The following CELF2 variants were observed in gnomAD, a reference collection of about 807,000 sequenced individuals.
CELF2 encodes CUGBP Elav-like family member 2, also known as CUG triplet repeat RNA-binding protein 2.
In CELF2, 8 loss-of-function variants were observed where a neutral mutation model predicts 62.6. That is an observed-to-expected ratio of 0.13 (90% CI 0.07 to 0.23). The LOEUF (loss-of-function observed/expected upper bound fraction) is 0.23. Ranked by LOEUF, CELF2 falls within the 10% of genes least tolerant of loss-of-function variation. The pLI is 1.00. For synonymous variants in CELF2, 258 were observed against 250.0 expected, an observed-to-expected ratio of 1.03 and a Z score of -0.30; for missense variants, 333 against 671.0, an observed-to-expected ratio of 0.50 and a Z score of 5.56.
intron 1 of CELF2, among the ~76,000 whole-genome samples, chr10:11,153,256 G>A (rs931169450): frequency 6.6e-6 from 1 of 151,924 alleles, no homozygotes; most frequent in East Asian, 1.9e-4. Context: ...TCTCTTCCAG[G>A]TATTTTTTGA....
the CELF2 span, among the ~76,000 whole-genome samples, chr10:10,637,794 G>C: frequency 1.2e-4 from 19 of 152,218 alleles, no homozygotes; most frequent in East Asian, 3.5e-3. Context: ...TGTCAGCCCC[G>C]TTTGGTCCTT....
chr10:10,475,750 A>AT, the CELF2 span, among the ~76,000 whole-genome samples: 1 of 152,026 alleles, frequency 6.6e-6, no homozygotes, highest in African/African-American at 2.4e-5. Flanking sequence ...CCTTCTCTGT[A>AT]TTTTTTTATG....
chr10:10,498,020 A>C, the CELF2 span, among the ~76,000 whole-genome samples: 1 of 152,174 alleles, frequency 6.6e-6, no homozygotes, highest in Non-Finnish European at 1.5e-5. Flanking sequence ...TCGTGATAAG[A>C]GGCGGGAAGA....
chr10:10,857,151 A>T (rs2059763469), intron 1 of CELF2, among the ~76,000 whole-genome samples: 1 of 152,124 alleles, frequency 6.6e-6, no homozygotes, highest in Non-Finnish European at 1.5e-5. Flanking sequence ...TTTGCAGAGA[A>T]AGAGCTCCAG....
At chr10:10,473,521 A>G in the CELF2 span, among the ~76,000 whole-genome samples, 1 of 152,028 alleles carries the variant, frequency 6.6e-6, no homozygotes, top group Admixed American at 6.6e-5. Context: ...ACCCTTAGCA[A>G]GTTTTTTGTA....
At chr10:11,035,201 G>GA (rs796407486) in intron 1 of CELF2, among the ~76,000 whole-genome samples, 2,146 of 147,222 alleles carry the variant, frequency 0.015, 48 homozygotes, top group African/African-American at 0.044. Flanking sequence ...AAACCTTAAG[G>GA]AAAAAAAAAA....
chr10:10,780,000 C>T, the CELF2 span, among the ~76,000 whole-genome samples: 286 of 152,032 alleles, frequency 1.9e-3, no homozygotes, highest in African/African-American at 6.6e-3. Flanking sequence ...GGATGTTTTG[C>T]GGGTAACATG....
the CELF2 span, among the ~76,000 whole-genome samples, chr10:10,728,802 C>CTT: frequency 1.3e-5 from 2 of 152,102 alleles, no homozygotes; most frequent in African/African-American, 4.8e-5. Context: ...AGGTAGATTT[C>CTT]TTTCTCTCTC....
the CELF2 span, among the ~76,000 whole-genome samples, chr10:10,624,829 C>T: frequency 3.9e-5 from 6 of 152,178 alleles, no homozygotes; most frequent in Non-Finnish European, 5.9e-5. Flanking sequence ...GGATAATCAT[C>T]TCTCTCCAGG....
the CELF2 span, among the ~76,000 whole-genome samples, chr10:10,661,546 A>G: frequency 6.6e-6 from 1 of 152,210 alleles, no homozygotes; most frequent in Non-Finnish European, 1.5e-5. Flanking sequence ...TATACCTAGG[A>G]GTGGAATTGC....
intron 1 of CELF2, among the ~76,000 whole-genome samples, chr10:11,081,741 C>T (rs1289569224): frequency 6.6e-6 from 1 of 151,990 alleles, no homozygotes; most frequent in East Asian, 1.9e-4. Flanking sequence ...ATTTTTTTGC[C>T]CACTCTGGTA....
chr10:11,195,421 AC>A (rs1395560707), intron 2 of CELF2, among the ~76,000 whole-genome samples: 1 of 152,180 alleles, frequency 6.6e-6, no homozygotes, highest in African/African-American at 2.4e-5. Flanking sequence ...TTGAAGCCAG[AC>A]TTAGGTACCG....
intron 7 of CELF2, 58 bp from the exon 8 acceptor site, chr10:11,274,999 A>G: frequency 1.3e-6 from 2 of 1,502,106 alleles, no homozygotes; most frequent in South Asian, 1.1e-5. Flanking sequence ...CCCCAGTTTA[A>G]TGAGGGAGTT....
chr10:10,682,583 T>C, the CELF2 span, among the ~76,000 whole-genome samples: 1 of 152,178 alleles, frequency 6.6e-6, no homozygotes, highest in Non-Finnish European at 1.5e-5. Context: ...TTCCCTTGGC[T>C]TTGGTTTTCT....
chr10:11,059,945 C>G (rs572787112), intron 1 of CELF2, among the ~76,000 whole-genome samples: 1 of 152,210 alleles, frequency 6.6e-6, no homozygotes, highest in Non-Finnish European at 1.5e-5. Flanking sequence ...AATAGATGCT[C>G]AAAAGCCGTT....
At chr10:10,897,264 T>C (rs1299105983) in intron 1 of CELF2, among the ~76,000 whole-genome samples, 2 of 152,134 alleles carry the variant, frequency 1.3e-5, no homozygotes, top group Non-Finnish European at 2.9e-5. Context: ...AAAAGAAATA[T>C]GTTATCAGGC....
chr10:10,646,454 C>T, the CELF2 span, among the ~76,000 whole-genome samples: 5 of 152,312 alleles, frequency 3.3e-5, no homozygotes, highest in South Asian at 2.1e-4. Context: ...GTTTTTTGCA[C>T]GTCGTTTCTC....
At chr10:11,295,028 C>T (rs2092995359) in intron 9 of CELF2, among the ~76,000 whole-genome samples, 1 of 152,240 alleles carries the variant, frequency 6.6e-6, no homozygotes, top group Non-Finnish European at 1.5e-5. Context: ...GCACTGACCT[C>T]CCGGTCTTTG....
At chr10:11,272,078 A>G (rs569822227) in intron 7 of CELF2, among the ~76,000 whole-genome samples, 4 of 152,290 alleles carry the variant, frequency 2.6e-5, no homozygotes, top group African/African-American at 9.6e-5. Flanking sequence ...CCCAGTGCCC[A>G]GTGCCCAGTG....
Sources: gnomAD v4.1 joint callset for allele counts (sites outside exome capture counted in the v4.1 genomes callset) on GRCh38, gnomAD v4.1.1 for gene constraint, MANE v1.5 for transcripts, NCBI Gene and HGNC (gene_info 2026-07-23, HGNC 2026-07-21) for gene names.